PAX3: variants seen among roughly 807,000 people sequenced by gnomAD.
The protein encoded by PAX3 is paired box protein Pax-3.
A neutral mutation model predicts 51.6 loss-of-function variants in PAX3; 14 were observed. The observed-to-expected ratio is 0.27, with a 90% CI of 0.18 to 0.42. The LOEUF (loss-of-function observed/expected upper bound fraction) is 0.42. PAX3 is among the 10% of genes least tolerant of loss of function. The pLI is 1.00. For synonymous variants in PAX3, 280 were observed against 253.4 expected (o/e 1.11, Z -1.00); for missense variants, 540 against 642.8 (o/e 0.84, Z 1.73).
At position 222,297,229 on chromosome 2, in the gene PAX3, A is replaced by C; in HGVS notation, c.86-16T>G. 1 of 1,536,662 alleles carries C rather than the reference A, an allele frequency of 6.5e-7. No individual in the cohort carries two copies. The highest frequency in any genetic ancestry group is 8.8e-7 in the Non-Finnish European group (1 of 1,130,894). ...GGAGTGGACACTGTGGGAAGGTGAA[A>C]AAGAGAAGCAAGGGAAAAGTCACTG... On this transcript the variant is annotated splice_polypyrimidine_tract_variant and intron_variant, in intron 1 of 8. Transcript: ENST00000392070.
intron 3 of PAX3, 47 bp downstream of exon 3, chr2:222,295,481 T>G: frequency 3.1e-6 from 5 of 1,611,154 alleles, no homozygotes; most frequent in Non-Finnish European, 4.2e-6. Context: ...GCCGGGGTAA[T>G]AGCGACTGAC....
At chr2:222,204,430 A>T (rs1261397429) in intron 7 of PAX3, among the ~76,000 whole-genome samples, 1 of 152,156 alleles carries the variant, frequency 6.6e-6, no homozygotes, top group African/African-American at 2.4e-5. Context: ...TGGAAAATTC[A>T]TGAACTTCAA....
intron 4 of PAX3, among the ~76,000 whole-genome samples, chr2:222,272,417 G>A (rs933806861): frequency 6.6e-6 from 1 of 152,192 alleles, no homozygotes; most frequent in African/African-American, 2.4e-5. Flanking sequence ...GCTTCAATGG[G>A]TAACATTTGT....
At chr2:222,268,484 A>C (rs1694133963) in intron 4 of PAX3, among the ~76,000 whole-genome samples, 1 of 152,098 alleles carries the variant, frequency 6.6e-6, no homozygotes, top group Non-Finnish European at 1.5e-5. Context: ...TCTAGGTAAC[A>C]TATGCAACTC....
intron 4 of PAX3, chr2:222,293,869 A>G: frequency 6.2e-7 from 1 of 1,610,310 alleles, no homozygotes. Context: ...ACAGAGTGAG[A>G]GCTTCCCCTG....
At chr2:222,256,614 A>G (rs1693656594) in intron 4 of PAX3, among the ~76,000 whole-genome samples, 1 of 152,246 alleles carries the variant, frequency 6.6e-6, no homozygotes, top group South Asian at 2.1e-4. Flanking sequence ...GCAGTCTGGA[A>G]GTCTCATTTT....
chr2:222,294,763 C>T lies in PAX3; in HGVS notation c.452-462G>A, dbSNP rs1385075699. On this transcript the variant is annotated intron_variant, in intron 3 of 8. Coordinates refer to ENST00000392070, the MANE Select transcript of PAX3 (RefSeq NM_181458.4). Reference sequence around the variant, plus strand: ...ACCAAAGCCGACTTGTCCGCGCCCCCCCCCACCCCCCCGTAAATCAAGTTT... The same window carrying T: ...ACCAAAGCCGACTTGTCCGCGCCCCTCCCCACCCCCCCGTAAATCAAGTTT... Among the ~76,000 whole-genome samples the T allele has an allele frequency of 8.5e-5, 10 of 117,116 alleles. 1 individual carries two copies. Among genetic ancestry groups the T allele is most frequent in the Admixed American group, 7.2e-4 (8 of 11,148 alleles). The allele number at this position is 117,116 out of a possible 152,430, so 76.8% of individuals were successfully genotyped here. A position where few individuals can be genotyped will look rare whatever the true frequency, so the allele number is the denominator to read the frequency against.
Position 222,294,943 on chromosome 2 carries a change from C to A in PAX3, c.451+585G>T, listed in dbSNP as rs1380628544. ...TTCCAGTCTGGTAAACAAATCCATG[C>A]TCTGAAATATGTTTCTCACAGAGGG... On this transcript the variant is annotated intron_variant, in intron 3 of 8. Transcript: ENST00000392070. Among the ~76,000 whole-genome samples, 3 of 151,910 alleles carry A rather than the reference C, an allele frequency of 2.0e-5. No homozygotes were observed. In the East Asian group the frequency reaches 5.8e-4, roughly 29 times the overall value.
intron 4 of PAX3, among the ~76,000 whole-genome samples, chr2:222,248,412 C>T (rs911692800): frequency 6.6e-6 from 1 of 152,218 alleles, no homozygotes; most frequent in Non-Finnish European, 1.5e-5. Context: ...GGTCTCAAAG[C>T]CCAGTTTCAC....
At chr2:222,202,692 CTT>C (rs1336319494) in intron 7 of PAX3, among the ~76,000 whole-genome samples, 1 of 142,038 alleles carries the variant, frequency 7.0e-6, no homozygotes, top group Non-Finnish European at 1.5e-5. Context: ...ATCTCTGTGC[CTT>C]TTTTTTTTTA....
Position 222,295,580 on chromosome 2 carries a change from G to T in PAX3, c.399C>A (p.Ile133=). ...RENPGMFSWE[I]RDKLLKDAVC... ...CCGCGTCCTTGAGTAATTTGTCTCG[G>T]ATTTCCCAGCTGAACATGCCCGGGT... The change falls in exon 3 of 9, where the codon ATC becomes ATA. Residue 133 remains isoleucine, a synonymous_variant. Transcript: ENST00000392070. 1.2e-6 allele frequency: 2 copies of T among 1,614,204 alleles called. No individual in the cohort carries two copies. Among genetic ancestry groups the T allele is most frequent in the Non-Finnish European group, 1.7e-6 (2 of 1,180,040 alleles).
At chr2:222,271,543 G>T (rs879685922) in intron 4 of PAX3, among the ~76,000 whole-genome samples, 2 of 152,096 alleles carry the variant, frequency 1.3e-5, no homozygotes, top group Non-Finnish European at 2.9e-5. Context: ...TCACTATTTG[G>T]TGTAACCATA....
intron 6 of PAX3, 81 bp downstream of exon 6, chr2:222,221,141 G>T: frequency 7.5e-7 from 1 of 1,336,222 alleles, no homozygotes; most frequent in Non-Finnish European, 1.1e-6. Flanking sequence ...CAGTACTGCA[G>T]AAGGATTCAC....
At chr2:222,249,531 T>C (rs1286248192) in intron 4 of PAX3, among the ~76,000 whole-genome samples, 1 of 152,190 alleles carries the variant, frequency 6.6e-6, no homozygotes, top group African/African-American at 2.4e-5. Context: ...AGCCCAAAAG[T>C]GCAGTGTTAG....
rs1330465954 is a variant in PAX3, at chr2:222,295,556, C to A, written c.423G>T (p.Ala141=). The A allele has an allele frequency of 5.0e-6, 8 of 1,614,080 alleles. No homozygotes were observed. The highest frequency in any genetic ancestry group is 6.8e-6 in the Non-Finnish European group (8 of 1,180,036). ...ACGGCACGGTGTTTCGATCACAGAC[C>A]GCGTCCTTGAGTAATTTGTCTCGGA... The part of the protein sequence containing the change: ...WEIRDKLLKD[A]VCDRNTVPSV... The change falls in exon 3 of 9, where the codon GCG becomes GCT. Residue 141 remains alanine (A), a synonymous_variant. Transcript: ENST00000392070.
At chr2:222,249,564 G>A (rs1320917847) in intron 4 of PAX3, among the ~76,000 whole-genome samples, 1 of 152,160 alleles carries the variant, frequency 6.6e-6, no homozygotes, top group African/African-American at 2.4e-5. Context: ...GTTTTGCAGA[G>A]GTTTGAAGCT....
Position 222,295,622 on chromosome 2 carries a change from C to T in PAX3, c.357G>A (p.Glu119=), listed in dbSNP as rs775492336. 10 of 1,614,200 alleles carry T rather than the reference C, an allele frequency of 6.2e-6. No individual in the cohort carries two copies. In the East Asian group the frequency reaches 1.3e-4, roughly 22 times the overall value. ...VTTPDVEKKI[E]EYKRENPGMF... is the part of the protein sequence containing the mutation. ...TGCCCGGGTTCTCTCTTTTGTATTC[C>T]TCAATTTTCTTCTCCACGTCAGGCG... The change falls in exon 3 of 9, where the codon GAG becomes GAA. Residue 119 remains glutamate (E), a synonymous_variant. Coordinates refer to ENST00000392070, the MANE Select transcript of PAX3 (RefSeq NM_181458.4).
At chr2:222,283,157 T>C (rs1184959425) in intron 4 of PAX3, among the ~76,000 whole-genome samples, 1 of 152,196 alleles carries the variant, frequency 6.6e-6, no homozygotes, top group Non-Finnish European at 1.5e-5. Context: ...ACAATCTACA[T>C]GTTGTTAAAT....
intron 4 of PAX3, among the ~76,000 whole-genome samples, chr2:222,249,847 C>T (rs1006676258): frequency 5.3e-5 from 8 of 152,204 alleles, no homozygotes; most frequent in Admixed American, 1.3e-4. Context: ...ATAACAGTAA[C>T]GACAGCCCTC....
Sources: allele counts gnomAD v4.1 joint callset (sites outside exome capture counted in the v4.1 genomes callset), GRCh38; gene constraint gnomAD v4.1.1; transcripts MANE v1.5; gene names NCBI Gene and HGNC (gene_info 2026-07-23, HGNC 2026-07-21).